PRKD1: variants seen among roughly 807,000 people sequenced by gnomAD.
The protein encoded by PRKD1 is serine/threonine-protein kinase D1.
Under a neutral mutation model 95.9 loss-of-function variants are expected in PRKD1, and 63 were observed. The observed-to-expected ratio is 0.66, with a 90% confidence interval of 0.54 to 0.81. The LOEUF (loss-of-function observed/expected upper bound fraction) is 0.81. Among genes scored for constraint, PRKD1 ranks in the 30% least tolerant of loss-of-function variants. PRKD1 has a pLI of 0.00. For synonymous variants in PRKD1, 425 were observed against 423.1 expected, an observed-to-expected ratio of 1.00 and a Z score of -0.05; for missense variants, 1,048 against 1,165.3, an observed-to-expected ratio of 0.90 and a Z score of 1.47.
Position 29,852,147 on chromosome 14 carries a change from G to A in PRKD1, c.264+75102C>T, listed in dbSNP as rs117912189. On this transcript the variant is annotated intron_variant, in intron 1 of 17. Transcript: ENST00000331968. ...AGTGGGTACTATGTTCACTGCCCTA[G>A]TGACAGGTTAAATCATGCCACAAAC... Among the ~76,000 whole-genome samples the A allele has an allele frequency of 8.3e-3, 1,260 of 152,176 alleles. 7 individuals carry two copies. Among genetic ancestry groups the A allele is most frequent in the Admixed American group, 0.015 (225 of 15,276 alleles).
intron 2 of PRKD1, among the ~76,000 whole-genome samples, chr14:29,673,963 A>C (rs563092624): frequency 1.3e-5 from 2 of 152,234 alleles, no homozygotes; most frequent in African/African-American, 2.4e-5. Context: ...TCTGAACCTC[A>C]GTGTCCCTTT....
intron 1 of PRKD1, among the ~76,000 whole-genome samples, chr14:29,798,141 T>C (rs968985372): frequency 6.6e-6 from 1 of 152,188 alleles, no homozygotes; most frequent in Non-Finnish European, 1.5e-5. Flanking sequence ...TGGACAAATA[T>C]CAGCTTTCCT....
At chr14:29,882,512 T>C (rs1893548559) in intron 1 of PRKD1, among the ~76,000 whole-genome samples, 1 of 152,238 alleles carries the variant, frequency 6.6e-6, no homozygotes, top group Non-Finnish European at 1.5e-5. Context: ...TTAGTTGTGG[T>C]GAGATAATAT....
At chr14:29,762,759 A>G (rs1888055948) in intron 1 of PRKD1, among the ~76,000 whole-genome samples, 1 of 114,904 alleles carries the variant, frequency 8.7e-6, no homozygotes, top group African/African-American at 3.2e-5. Flanking sequence ...TATCTATACT[A>G]AGGTATTTTA....
intron 1 of PRKD1, among the ~76,000 whole-genome samples, chr14:29,875,137 G>T (rs999585800): frequency 5.3e-5 from 8 of 152,100 alleles, no homozygotes; most frequent in African/African-American, 1.7e-4. Context: ...CCTGAGAGAT[G>T]CAACACACCT....
intron 1 of PRKD1, among the ~76,000 whole-genome samples, chr14:29,773,459 CAAA>C (rs397798361): frequency 1.9e-3 from 161 of 86,800 alleles, no homozygotes; most frequent in African/African-American, 5.7e-3. Context: ...GGCTCTGTCT[CAAA>C]AAAAAAAAAA....
chr14:29,682,528 C>T (rs1039347656), intron 2 of PRKD1, among the ~76,000 whole-genome samples: 1 of 152,166 alleles, frequency 6.6e-6, no homozygotes, highest in African/African-American at 2.4e-5. Flanking sequence ...TCATCAATAT[C>T]CCTTCCTTGC....
At chr14:29,918,612 A>T (rs908215110) in intron 1 of PRKD1, among the ~76,000 whole-genome samples, 4 of 152,076 alleles carry the variant, frequency 2.6e-5, no homozygotes, top group African/African-American at 9.7e-5. Context: ...CTAGTTTTTA[A>T]CTGCCCCTTC....
At chr14:29,606,105 C>T (rs1377641693) in intron 13 of PRKD1, among the ~76,000 whole-genome samples, 2 of 152,122 alleles carry the variant, frequency 1.3e-5, no homozygotes, top group African/African-American at 2.4e-5. Flanking sequence ...CTCCCCCTCT[C>T]GGGTTCAAGA....
intron 1 of PRKD1, among the ~76,000 whole-genome samples, chr14:29,863,888 T>A (rs28545825): frequency 0.18 from 27,182 of 151,896 alleles, 2,630 homozygotes; most frequent in East Asian, 0.35. Flanking sequence ...AATAATATAA[T>A]CTCAAAAACA....
Position 29,927,167 on chromosome 14 carries a change from A to G in PRKD1, c.264+82T>C, listed in dbSNP as rs1253718635. ...GGCCAGCCGAGCCCCGGGAGCCGGA[A>G]AGTTGGCGCGGAGAGGGCCAGCCGG... On this transcript the variant is annotated intron_variant, in intron 1 of 17. Transcript: ENST00000331968. 5 of 1,304,352 alleles carry G rather than the reference A, an allele frequency of 3.8e-6. No homozygotes were observed. The African/African-American group carries it at 7.9e-5, about 21-fold the overall frequency. 80.8% of individuals were successfully genotyped at this position (1,304,352 alleles called of 1,614,324 possible).
intron 2 of PRKD1, among the ~76,000 whole-genome samples, chr14:29,712,227 G>A (rs549806119): frequency 2.2e-4 from 33 of 152,146 alleles, no homozygotes; most frequent in Non-Finnish European, 4.9e-4. Flanking sequence ...ATTAGTATGT[G>A]GGAGAAAATT....
At chr14:29,889,101 T>C (rs1301619650) in intron 1 of PRKD1, among the ~76,000 whole-genome samples, 1 of 152,216 alleles carries the variant, frequency 6.6e-6, no homozygotes, top group South Asian at 2.1e-4. Context: ...GAGTCATTAA[T>C]ACTACTTGAG....
chr14:29,920,645 CA>C (rs1240083700), intron 1 of PRKD1, among the ~76,000 whole-genome samples: 3 of 149,564 alleles, frequency 2.0e-5, no homozygotes, highest in Admixed American at 2.0e-4. Context: ...TATAATTATC[CA>C]TTACACTCTT....
intron 1 of PRKD1, among the ~76,000 whole-genome samples, chr14:29,792,143 T>A (rs983469916): frequency 6.6e-6 from 1 of 152,140 alleles, no homozygotes; most frequent in African/African-American, 2.4e-5. Context: ...TGCAATAAAT[T>A]ACTAAAAGTT....
intron 1 of PRKD1, among the ~76,000 whole-genome samples, chr14:29,786,672 T>G (rs892982882): frequency 6.6e-6 from 1 of 152,134 alleles, no homozygotes; most frequent in African/African-American, 2.4e-5. Context: ...ATTTCTGTGG[T>G]ATCAGCTGTA....
intron 1 of PRKD1, among the ~76,000 whole-genome samples, chr14:29,885,123 T>TA (rs1449184200): frequency 0.033 from 3,934 of 120,638 alleles, 83 homozygotes; most frequent in Non-Finnish European, 0.048. Context: ...ACTCCATCTT[T>TA]TAAAAAAAAA....
intron 1 of PRKD1, among the ~76,000 whole-genome samples, chr14:29,743,299 A>G (rs1325774214): frequency 2.0e-5 from 3 of 152,164 alleles, no homozygotes; most frequent in African/African-American, 7.2e-5. Flanking sequence ...TGAGTGTGTC[A>G]TTTCATCTAG....
chr14:29,672,650 G>A (rs905188455), intron 2 of PRKD1, among the ~76,000 whole-genome samples: 1 of 151,900 alleles, frequency 6.6e-6, no homozygotes, highest in Admixed American at 6.6e-5. Flanking sequence ...GACTTGCCAA[G>A]GAATCATATA....
Sources: allele counts gnomAD v4.1 joint callset (sites outside exome capture counted in the v4.1 genomes callset), GRCh38; gene constraint gnomAD v4.1.1; transcripts MANE v1.5; gene names NCBI Gene and HGNC (gene_info 2026-07-23, HGNC 2026-07-21).